Variants in CFAP61 observed in about 807,000 individuals in gnomAD.
The protein encoded by CFAP61 is cilia and flagella associated protein 61.
In CFAP61, 107 loss-of-function variants were observed where a neutral mutation model predicts 135.6. The ratio of observed to expected loss-of-function variants is 0.79; its 90% CI spans 0.67 to 0.93. The LOEUF (loss-of-function observed/expected upper bound fraction) is 0.93, where lower values mean the gene tolerates loss of function less well. Among genes scored for constraint, CFAP61 ranks in the 40% least tolerant of loss-of-function variants. The pLI, the probability that CFAP61 is intolerant of heterozygous loss-of-function variation, is 0.00. For synonymous variants in CFAP61, 575 were observed against 578.5 expected, an observed-to-expected ratio of 0.99 and a Z score of 0.09; for missense variants, 1,507 against 1,556.2, an observed-to-expected ratio of 0.97 and a Z score of 0.53.
intron 8 of CFAP61, among the ~76,000 whole-genome samples, chr20:20,113,608 T>C (rs2048941944): frequency 6.6e-6 from 1 of 152,198 alleles, no homozygotes; most frequent in East Asian, 1.9e-4. Context: ...CTGCCCCATG[T>C]TGTTTTGCCT....
intron 17 of CFAP61, among the ~76,000 whole-genome samples, chr20:20,210,793 T>A (rs903737565): frequency 2.0e-5 from 3 of 152,214 alleles, no homozygotes; most frequent in African/African-American, 4.8e-5. Flanking sequence ...TTATTAAAAC[T>A]TTCACTTGTT....
intron 25 of CFAP61, among the ~76,000 whole-genome samples, chr20:20,298,768 C>T (rs113048990): frequency 2.6e-5 from 4 of 152,176 alleles, no homozygotes; most frequent in Non-Finnish European, 5.9e-5. Context: ...TGGGACTCCG[C>T]GATCATGGGA....
At chr20:20,297,294 C>T (rs2122125172) in intron 24 of CFAP61, among the ~76,000 whole-genome samples, 1 of 152,312 alleles carries the variant, frequency 6.6e-6, no homozygotes, top group African/African-American at 2.4e-5. Context: ...CCTTGGATTT[C>T]TAAATGCCAC....
At chr20:20,224,486 T>C (rs2048595093) in intron 17 of CFAP61, among the ~76,000 whole-genome samples, 2 of 152,282 alleles carry the variant, frequency 1.3e-5, no homozygotes, top group South Asian at 4.2e-4. Flanking sequence ...TGACATCAAC[T>C]TTAAGGAATT....
intron 23 of CFAP61, 70 bp from the exon 24 acceptor site, chr20:20,290,230 G>A (rs2054900923): frequency 4.1e-6 from 4 of 987,252 alleles, no homozygotes; most frequent in Non-Finnish European, 1.6e-6. Flanking sequence ...GTCCTGTGAT[G>A]AAAATATGAG....
intron 26 of CFAP61, among the ~76,000 whole-genome samples, chr20:20,350,387 G>A (rs768299944): frequency 4.3e-4 from 66 of 152,352 alleles, no homozygotes; most frequent in Middle Eastern, 3.4e-3. Flanking sequence ...CCAGCACTGT[G>A]GGAGGCTGAG....
intron 8 of CFAP61, among the ~76,000 whole-genome samples, chr20:20,103,898 A>C (rs1268732447): frequency 6.6e-6 from 1 of 152,204 alleles, no homozygotes; most frequent in African/African-American, 2.4e-5. Flanking sequence ...TTAATAGTTA[A>C]AATAAAAAAA....
intron 6 of CFAP61, among the ~76,000 whole-genome samples, chr20:20,084,401 C>CCTGCTGCTGCTGCTGCTG (rs3060422): frequency 8.6e-5 from 13 of 150,808 alleles, no homozygotes; most frequent in African/African-American, 2.7e-4. Context: ...GCGGAGGTGG[C>CCTGCTGCTGCTGCTGCTG]CTGCTGCTGC....
At position 20,167,970 on chromosome 20, in the gene CFAP61, A is replaced by G. The variant is rs60545331; in HGVS notation, c.1246-1351A>G. Among the ~76,000 whole-genome samples, 1,104 of 152,336 alleles carry G rather than the reference A, an allele frequency of 7.2e-3. 9 individuals carry two copies. Among genetic ancestry groups the G allele is most frequent in the African/African-American group, 0.025 (1,035 of 41,566 alleles). ...TAGCCTAGAGCAGCACTGTCCAGAC[A>G]TGGAGTGTGAGCCACATTGGTAATT... On this transcript the variant is annotated intron_variant, in intron 12 of 26. Coordinates refer to ENST00000245957, the MANE Select transcript of CFAP61 (RefSeq NM_015585.4).
intron 17 of CFAP61, among the ~76,000 whole-genome samples, chr20:20,211,605 C>T (rs1857166539): frequency 2.0e-5 from 3 of 152,162 alleles, no homozygotes; most frequent in Non-Finnish European, 2.9e-5. Flanking sequence ...GACTCAGCTA[C>T]AGTGCAGGCA....
chr20:20,323,404 T>TTTA, intron 25 of CFAP61: 1 of 560,994 alleles, frequency 1.8e-6, no homozygotes, highest in African/African-American at 2.0e-5. Context: ...AACCAAATAA[T>TTTA]AGACCCATCT....
At chr20:20,104,005 G>A (rs1460943177) in intron 8 of CFAP61, among the ~76,000 whole-genome samples, 2 of 152,204 alleles carry the variant, frequency 1.3e-5, no homozygotes, top group Non-Finnish European at 2.9e-5. Context: ...GCAAGGTTCC[G>A]ATTTGTAAAT....
At chr20:20,104,288 C>T (rs955826269) in intron 8 of CFAP61, among the ~76,000 whole-genome samples, 1 of 151,820 alleles carries the variant, frequency 6.6e-6, no homozygotes, top group Non-Finnish European at 1.5e-5. Context: ...CAGGAAATGT[C>T]TTTATATGTC....
chr20:20,155,896 T>G (rs199861399), intron 9 of CFAP61, among the ~76,000 whole-genome samples: 1 of 152,322 alleles, frequency 6.6e-6, no homozygotes, highest in East Asian at 1.9e-4. Flanking sequence ...AACTACCATT[T>G]GATCCAGCAG....
chr20:20,106,301 A>T (rs1600682664), intron 8 of CFAP61, among the ~76,000 whole-genome samples: 1 of 152,104 alleles, frequency 6.6e-6, no homozygotes, highest in Admixed American at 6.5e-5. Flanking sequence ...TGGTTATTTC[A>T]TAAAACCTGT....
chr20:20,065,092 G>A (rs1056984163), intron 2 of CFAP61, among the ~76,000 whole-genome samples: 2 of 152,170 alleles, frequency 1.3e-5, no homozygotes, highest in African/African-American at 4.8e-5. Context: ...ATGGTGCTGG[G>A]AGTGTTCGTT....
intron 20 of CFAP61, among the ~76,000 whole-genome samples, chr20:20,258,791 C>T (rs1269346023): frequency 6.6e-6 from 1 of 152,206 alleles, no homozygotes; most frequent in Non-Finnish European, 1.5e-5. Flanking sequence ...TACCGCGAGA[C>T]AGACACATGG....
chr20:20,267,164 G>A (rs1348194322), intron 21 of CFAP61, among the ~76,000 whole-genome samples: 7 of 152,092 alleles, frequency 4.6e-5, no homozygotes, highest in Admixed American at 4.6e-4. Context: ...GAGAAAGGAG[G>A]ATTTGAGCTC....
chr20:20,101,109 A>AGAGT (rs2047990281), intron 8 of CFAP61, among the ~76,000 whole-genome samples: 2 of 152,230 alleles, frequency 1.3e-5, no homozygotes, highest in South Asian at 4.1e-4. Context: ...ATCTAAGAAA[A>AGAGT]GAGTCATCAG....
Sources: gnomAD v4.1 joint callset for allele counts (sites outside exome capture counted in the v4.1 genomes callset) on GRCh38, gnomAD v4.1.1 for gene constraint, MANE v1.5 for transcripts, NCBI Gene and HGNC (gene_info 2026-07-23, HGNC 2026-07-21) for gene names.